Variants in KIAA0825 observed in about 807,000 individuals in gnomAD.
KIAA0825 encodes uncharacterized protein KIAA0825.
Under a neutral mutation model 147.6 loss-of-function variants are expected in KIAA0825, and 119 were observed. The observed-to-expected ratio is 0.81, with a 90% CI of 0.69 to 0.94. The LOEUF is 0.94. Ranked by LOEUF, KIAA0825 falls within the 40% of genes least tolerant of loss-of-function variation. The probability of loss-of-function intolerance (pLI) is 0.00; values close to 1 mark genes in which losing one functional copy is unlikely to be tolerated. For missense variants in KIAA0825, 1,381 were observed against 1,472.7 expected, an observed-to-expected ratio of 0.94 and a Z score of 1.02; for synonymous variants, 470 against 518.1, an observed-to-expected ratio of 0.91 and a Z score of 1.26.
intron 20 of KIAA0825, among the ~76,000 whole-genome samples, chr5:94,205,840 T>C (rs1772148229): frequency 6.6e-6 from 1 of 152,184 alleles, no homozygotes; most frequent in African/African-American, 2.4e-5. Context: ...AGGATGCCCA[T>C]ATAATTTTAT....
intron 3 of KIAA0825, among the ~76,000 whole-genome samples, chr5:94,524,653 A>T (rs764301167): frequency 6.6e-6 from 1 of 151,760 alleles, no homozygotes; most frequent in Admixed American, 6.6e-5. Context: ...AGAAACAAAA[A>T]TTACTAAAAA....
At chr5:94,325,852 T>A (rs1364941803) in intron 20 of KIAA0825, among the ~76,000 whole-genome samples, 1 of 151,996 alleles carries the variant, frequency 6.6e-6, no homozygotes, top group Non-Finnish European at 1.5e-5. Context: ...AAGATCTACA[T>A]GTGAATACAT....
intron 4 of KIAA0825, among the ~76,000 whole-genome samples, chr5:94,521,924 T>C (rs1768289237): frequency 6.6e-6 from 1 of 151,798 alleles, no homozygotes; most frequent in Admixed American, 6.6e-5. Flanking sequence ...AGGCATTATG[T>C]GTGATTCACA....
intron 20 of KIAA0825, among the ~76,000 whole-genome samples, chr5:94,354,914 G>C (rs1784086195): frequency 1.3e-5 from 2 of 152,196 alleles, no homozygotes; most frequent in African/African-American, 4.8e-5. Context: ...TGTGCCCAAG[G>C]TGGTTGGGGT....
At chr5:94,451,897 G>A (rs1049236928) in intron 13 of KIAA0825, among the ~76,000 whole-genome samples, 1 of 152,222 alleles carries the variant, frequency 6.6e-6, no homozygotes, top group African/African-American at 2.4e-5. Flanking sequence ...CACTGTAAGA[G>A]ATCCAGTCGT....
intron 20 of KIAA0825, among the ~76,000 whole-genome samples, chr5:94,178,198 GA>G (rs1237842601): frequency 6.6e-6 from 1 of 151,880 alleles, no homozygotes; most frequent in African/African-American, 2.4e-5. Context: ...AAGAGGATTT[GA>G]CTTGGCATTT....
intron 5 of KIAA0825, among the ~76,000 whole-genome samples, chr5:94,504,664 C>A (rs975129778): frequency 3.4e-4 from 52 of 151,836 alleles, no homozygotes; most frequent in African/African-American, 1.2e-3. Flanking sequence ...TTTATTAACA[C>A]AGGCTGCCTG....
chr5:94,173,645 T>C (rs1213475191), intron 20 of KIAA0825, among the ~76,000 whole-genome samples: 1 of 152,144 alleles, frequency 6.6e-6, no homozygotes, highest in African/African-American at 2.4e-5. Flanking sequence ...TAGTATTCTA[T>C]TGGTTACAAA....
chr5:94,515,946 G>T (rs1278243512), intron 5 of KIAA0825, among the ~76,000 whole-genome samples: 1 of 152,054 alleles, frequency 6.6e-6, no homozygotes, highest in Non-Finnish European at 1.5e-5. Context: ...AAATCAAAAA[G>T]ATTCTGTAAT....
At chr5:94,421,890 C>T (rs542243057) in intron 14 of KIAA0825, among the ~76,000 whole-genome samples, 4 of 152,214 alleles carry the variant, frequency 2.6e-5, no homozygotes, top group Admixed American at 2.6e-4. Flanking sequence ...AAGGTCTGTG[C>T]CCTGGAAACC....
intron 20 of KIAA0825, among the ~76,000 whole-genome samples, chr5:94,365,570 C>A (rs1431261375): frequency 1.3e-5 from 2 of 152,166 alleles, no homozygotes; most frequent in Non-Finnish European, 2.9e-5. Context: ...CCTGAAACTG[C>A]CTTTGCAAAG....
rs1218933008 is a variant in KIAA0825, at chr5:94,541,145, T to C, written c.-1-4018A>G. Among the ~76,000 whole-genome samples, 6 of 152,202 alleles carry C rather than the reference T, an allele frequency of 3.9e-5. No individual in the cohort carries two copies. In the East Asian group the frequency reaches 9.6e-4, roughly 24 times the overall value. Reference sequence around the variant, plus strand: ...TCCTAACTGCTTCATAAAATGTCACTATGACTCTTAACTGTACAACTTGCC... The same window carrying C: ...TCCTAACTGCTTCATAAAATGTCACCATGACTCTTAACTGTACAACTTGCC... On this transcript the variant is annotated intron_variant, in intron 2 of 20. Transcript: ENST00000682413.
chr5:94,245,263 A>G (rs1004997609), intron 20 of KIAA0825, among the ~76,000 whole-genome samples: 1 of 152,190 alleles, frequency 6.6e-6, no homozygotes, highest in Non-Finnish European at 1.5e-5. Flanking sequence ...TTCCCTCTAC[A>G]GCAGTCTCAA....
intron 1 of KIAA0825, chr5:94,593,195 C>T: frequency 1.3e-6 from 1 of 753,148 alleles, no homozygotes; most frequent in South Asian, 1.3e-5. Flanking sequence ...GTTACAGAAG[C>T]ATGGGGTAGG....
chr5:94,520,734 C>G lies in KIAA0825; in HGVS notation c.484G>C (p.Asp162His), dbSNP rs1768015885. The change falls in exon 5 of 21, where the codon GAT becomes CAT. Residue 162 changes from aspartate to histidine, a missense_variant. Physicochemically the swap from Asp to His is moderately conservative, Grantham distance 81. Coordinates refer to ENST00000682413, the MANE Select transcript of KIAA0825 (RefSeq NM_001145678.3). ...NSSMDVKSMW[D>H]DIRLHLRRFL... Reference sequence around the variant, plus strand: ...CGTCGAAGATGCAGTCTTATATCATCCCACATAGACTTGACATCCATAGAG... The same window carrying G: ...CGTCGAAGATGCAGTCTTATATCATGCCACATAGACTTGACATCCATAGAG... The G allele has an allele frequency of 6.2e-7, 1 of 1,613,210 alleles. No individual in the cohort carries two copies. The highest frequency in any genetic ancestry group is 1.1e-5 in the South Asian group (1 of 91,062).
intron 20 of KIAA0825, among the ~76,000 whole-genome samples, chr5:94,327,499 T>A (rs537379374): frequency 2.6e-5 from 4 of 152,246 alleles, no homozygotes; most frequent in African/African-American, 9.6e-5. Context: ...ACTTTGCTGA[T>A]TTTTTTGTTC....
rs551785829 is a variant in KIAA0825 at position 94,189,996 on chromosome 5, G to A, written c.3711-35872C>T. ...CAATGTTATATAGACTTAAGTGTTCGCGTCTTGCATATCTTTTGTTATTTT... is the reference window on the plus strand; with the variant it reads ...CAATGTTATATAGACTTAAGTGTTCACGTCTTGCATATCTTTTGTTATTTT... On this transcript the variant is annotated intron_variant, in intron 20 of 20. Transcript: ENST00000682413. Among the ~76,000 whole-genome samples the A allele has an allele frequency of 9.2e-5, 14 of 151,892 alleles. No homozygotes were observed. In the South Asian group the frequency reaches 1.0e-3, roughly 11 times the overall value.
chr5:94,432,962 T>C (rs1297936418), intron 14 of KIAA0825, among the ~76,000 whole-genome samples: 1 of 152,188 alleles, frequency 6.6e-6, no homozygotes, highest in Admixed American at 6.5e-5. Flanking sequence ...AAATGCCTTA[T>C]ATTACCTGAA....
rs570035924 is a variant in KIAA0825, at chr5:94,410,643, C to T, written c.2662+6558G>A. Reference sequence around the variant, plus strand: ...GAAACAGATACTGTAAATATTTCCACTGATTTATTGTCAGAAATAATGCAA... The same window carrying T: ...GAAACAGATACTGTAAATATTTCCATTGATTTATTGTCAGAAATAATGCAA... On this transcript the variant is annotated intron_variant, in intron 15 of 20. Transcript: ENST00000682413. Among the ~76,000 whole-genome samples the T allele has an allele frequency of 2.0e-5, 3 of 152,252 alleles. No individual in the cohort carries two copies. In the South Asian group the frequency reaches 6.2e-4, roughly 32 times the overall value.
Sources: allele counts gnomAD v4.1 joint callset (sites outside exome capture counted in the v4.1 genomes callset), GRCh38; gene constraint gnomAD v4.1.1; transcripts MANE v1.5; gene names NCBI Gene and HGNC (gene_info 2026-07-23, HGNC 2026-07-21).